Variants in IRAK3 observed in about 807,000 individuals in gnomAD.
IRAK3 encodes the protein interleukin 1 receptor associated kinase 3.
A neutral mutation model predicts 56.6 loss-of-function variants in IRAK3; 57 were observed. The observed-to-expected ratio is 1.01, with a 90% confidence interval of 0.81 to 1.26. The LOEUF is 1.26. IRAK3 is among the 50% of genes most tolerant of loss of function. IRAK3 has a pLI of 0.00. For missense variants in IRAK3, 703 were observed against 719.0 expected (o/e 0.98, Z 0.25); for synonymous variants, 258 against 255.7 (o/e 1.01, Z -0.09).
intron 8 of IRAK3, chr12:66,234,641 G>A (rs2052883096): frequency 6.2e-7 from 1 of 1,611,490 alleles, no homozygotes; most frequent in African/African-American, 1.3e-5. Context: ...ACACAATAAA[G>A]GTTCTGTGGG....
At chr12:66,207,818 C>T (rs1317422632) in intron 2 of IRAK3, among the ~76,000 whole-genome samples, 1 of 152,096 alleles carries the variant, frequency 6.6e-6, no homozygotes, top group South Asian at 2.1e-4. Flanking sequence ...TTTCCAGATA[C>T]TTGTGAATTT....
intron 6 of IRAK3, among the ~76,000 whole-genome samples, chr12:66,219,486 G>T (rs2052710170): frequency 6.6e-6 from 1 of 152,202 alleles, no homozygotes; most frequent in Non-Finnish European, 1.5e-5. Flanking sequence ...CAGCCACATG[G>T]AACTGTAAGC....
intron 5 of IRAK3, 44 bp from the exon 6 acceptor site, chr12:66,217,127 C>T: frequency 1.4e-6 from 2 of 1,397,510 alleles, no homozygotes; most frequent in Non-Finnish European, 2.0e-6. Flanking sequence ...ATCCCAGAAA[C>T]AGATCCTTTC....
At chr12:66,222,506 A>G (rs527548957) in intron 6 of IRAK3, among the ~76,000 whole-genome samples, 788 of 152,100 alleles carry the variant, frequency 5.2e-3, no homozygotes, top group Non-Finnish European at 8.8e-3. Context: ...TTTCTGTGGT[A>G]TCAGTTGTAA....
In IRAK3 at chr12:66,253,808, T is replaced by C. The variant is rs2053125933; in HGVS notation, c.*5637T>C. ...ACCTATTGAGCCGGTTTCCATTTCC[T>C]TGATCTATTAGATTTAAAAAAATGA... On this transcript the variant is annotated 3_prime_UTR_variant, in exon 12 of 12. Coordinates refer to ENST00000261233, the MANE Select transcript of IRAK3 (RefSeq NM_007199.3). The C allele has an allele frequency of 3.3e-5, 5 of 150,618 alleles. No homozygotes were observed. The highest frequency in any genetic ancestry group is 3.3e-4 in the Admixed American group (5 of 15,068). The allele number at this position is 150,618 out of a possible 1,614,324, so 9.3% of individuals were successfully genotyped here.
chr12:66,189,572 T>A, intron 1 of IRAK3, 140 bp downstream of exon 1: 1 of 434,162 alleles, frequency 2.3e-6, no homozygotes, highest in Non-Finnish European at 3.2e-6. Context: ...GCCGGCCCCC[T>A]CCTTTCCTGG....
intron 8 of IRAK3, 59 bp from the exon 9 acceptor site, chr12:66,244,427 G>T (rs922174296): frequency 2.4e-6 from 3 of 1,276,144 alleles, no homozygotes; most frequent in Non-Finnish European, 2.3e-6. Context: ...TAGTATGTTT[G>T]TTTACACTGA....
intron 5 of IRAK3, among the ~76,000 whole-genome samples, chr12:66,213,172 G>A (rs2136926437): frequency 6.6e-6 from 1 of 152,314 alleles, no homozygotes; most frequent in Middle Eastern, 3.4e-3. Flanking sequence ...AGACAAGAGA[G>A]AAGTTGTGCA....
intron 1 of IRAK3, chr12:66,197,555 GT>G: frequency 1.0e-6 from 1 of 985,372 alleles, no homozygotes; most frequent in Non-Finnish European, 1.2e-6. Context: ...TGAATCACCA[GT>G]TGGAAAAAGA....
At chr12:66,238,074 A>G (rs1182885298) in intron 8 of IRAK3, among the ~76,000 whole-genome samples, 1 of 152,216 alleles carries the variant, frequency 6.6e-6, no homozygotes, top group Non-Finnish European at 1.5e-5. Context: ...AATTTGGAGC[A>G]GTCAAGTGAA....
Position 66,234,404 on chromosome 12 carries a change from G to C in IRAK3, c.887+6034G>C, listed in dbSNP as rs772054075. 402 of 1,610,646 alleles carry C rather than the reference G, an allele frequency of 2.5e-4. 1 individual carries two copies. The highest frequency in any genetic ancestry group is 5.3e-5 in the Non-Finnish European group (62 of 1,178,556). On this transcript the variant is annotated intron_variant, in intron 8 of 11. Transcript: ENST00000261233. ...AGAAGGACTTTGCACCTGGTAGGCA[G>C]ATACAGGAGATACAATATAGGGTGT...
At chr12:66,235,462 TC>T (rs1357407966) in intron 8 of IRAK3, among the ~76,000 whole-genome samples, 1 of 151,082 alleles carries the variant, frequency 6.6e-6, no homozygotes, top group Admixed American at 6.6e-5. Flanking sequence ...CGCGCTGACT[TC>T]CCCTCCGCAC....
At chr12:66,211,347 T>A in intron 4 of IRAK3, 99 bp from the exon 5 acceptor site, 1 of 871,376 alleles carries the variant, frequency 1.1e-6, no homozygotes, top group Non-Finnish European at 1.9e-6. Flanking sequence ...TCTACTAACC[T>A]TCCACTGGAC....
At chr12:66,205,710 T>C (rs1371388464) in intron 2 of IRAK3, among the ~76,000 whole-genome samples, 1 of 152,224 alleles carries the variant, frequency 6.6e-6, no homozygotes, top group African/African-American at 2.4e-5. Flanking sequence ...CACCTTTCCT[T>C]GCAATTTTAT....
intron 2 of IRAK3, among the ~76,000 whole-genome samples, chr12:66,204,778 GCACACACA>G (rs59511601): frequency 0.045 from 6,723 of 147,776 alleles, 163 homozygotes; most frequent in South Asian, 0.093. Context: ...GAGCCCTTGC[GCACACACA>G]CACACACACA....
At chr12:66,210,247 C>T (rs2052598892) in intron 4 of IRAK3, 46 bp downstream of exon 4, 1 of 1,140,520 alleles carries the variant, frequency 8.8e-7, no homozygotes, top group Non-Finnish European at 1.3e-6. Flanking sequence ...TAAAATCATA[C>T]TTTCATTTAA....
intron 1 of IRAK3, chr12:66,197,718 G>A (rs1361093329): frequency 2.0e-6 from 2 of 985,282 alleles, no homozygotes; most frequent in Non-Finnish European, 2.4e-6. Context: ...TGCAAACTCA[G>A]AACTATATGC....
intron 5 of IRAK3, among the ~76,000 whole-genome samples, chr12:66,212,955 G>A (rs1260174432): frequency 6.6e-6 from 1 of 151,964 alleles, no homozygotes; most frequent in Non-Finnish European, 1.5e-5. Context: ...CCTAGATGAT[G>A]GGTTGATAGG....
intron 1 of IRAK3, among the ~76,000 whole-genome samples, chr12:66,198,608 C>T (rs1309844693): frequency 6.6e-6 from 1 of 152,058 alleles, no homozygotes; most frequent in Non-Finnish European, 1.5e-5. Flanking sequence ...CCCAAAGTTT[C>T]AAAGGGTAGC....
Sources: allele counts gnomAD v4.1 joint callset (sites outside exome capture counted in the v4.1 genomes callset), GRCh38; gene constraint gnomAD v4.1.1; transcripts MANE v1.5; gene names NCBI Gene and HGNC (gene_info 2026-07-23, HGNC 2026-07-21).